CIITA: variants seen among roughly 807,000 people sequenced by gnomAD.
CIITA encodes class II major histocompatibility complex transactivator, also known as MHC class II transactivator.
Under a neutral mutation model 115.1 loss-of-function variants are expected in CIITA, and 72 were observed. The ratio of observed to expected loss-of-function variants is 0.63; its 90% CI spans 0.52 to 0.76. The LOEUF (loss-of-function observed/expected upper bound fraction) is 0.76. Among genes scored for constraint, CIITA ranks in the 30% least tolerant of loss-of-function variants. The pLI is 0.00. For synonymous variants in CIITA, 763 were observed against 635.6 expected, an observed-to-expected ratio of 1.20 and a Z score of -3.02; for missense variants, 1,617 against 1,463.8, an observed-to-expected ratio of 1.10 and a Z score of -1.71.
chr16:10,925,886 C>T lies in CIITA; in HGVS notation c.*2031C>T, dbSNP rs1183621145. ...GGAATGTTTGCCTCTGCCTCTGACA[C>T]ACAGCTCTGTCCTGGGAGTGAGCTG... is the stretch of plus-strand genomic sequence containing the variant. On this transcript the variant is annotated 3_prime_UTR_variant, in exon 20 of 20. Transcript: ENST00000324288. The T allele has an allele frequency of 1.3e-5, 2 of 152,262 alleles. No homozygotes were observed. The highest frequency in any genetic ancestry group is 1.3e-4 in the Admixed American group (2 of 15,286). 9.4% of individuals were successfully genotyped at this position (152,262 alleles called of 1,614,324 possible). A position where few individuals can be genotyped will look rare whatever the true frequency, so the allele number is the denominator to read the frequency against.
rs760417209 is a variant in CIITA at position 10,941,751 on chromosome 16, C to A, written n.877C>A. The A allele has an allele frequency of 6.8e-6, 11 of 1,612,082 alleles. No individual in the cohort carries two copies. Among genetic ancestry groups the A allele is most frequent in the Admixed American group, 1.7e-5 (1 of 59,856 alleles). ...AGTACGCATCAAAGACGTCGAGCTC[C>A]GAGTCAGCATCGTAAAGGCCCGAGC... On this transcript the variant is annotated non_coding_transcript_exon_variant, in exon 2 of 2. Transcript: ENST00000573379. The surrounding 1 kb of genome is among the most constrained non-coding windows in gnomAD (Gnocchi z 6.4).
In CIITA at chr16:10,879,799, T is replaced by C. The variant is rs1321813794; in HGVS notation, c.52+2417T>C. On this transcript the variant is annotated intron_variant, in intron 1 of 19. Coordinates refer to ENST00000324288, the MANE Select transcript of CIITA (RefSeq NM_000246.4). The surrounding 1 kb of genome is among the most constrained non-coding windows in gnomAD (Gnocchi z 4.3). ...AGTGGGAGATTGGATCTCCCTGGGG[T>C]CCAGGAAAGCCGGAATCGGAGCCAC... is the stretch of plus-strand genomic sequence containing the variant. Among the ~76,000 whole-genome samples the C allele has an allele frequency of 6.6e-6, 1 of 151,884 alleles. No homozygotes were observed. Among genetic ancestry groups the C allele is most frequent in the Non-Finnish European group, 1.5e-5 (1 of 67,962 alleles).
intron 8 of CIITA, 88 bp downstream of exon 8, chr16:10,902,889 C>A: frequency 6.7e-7 from 1 of 1,491,268 alleles, no homozygotes; most frequent in Non-Finnish European, 9.3e-7. Context: ...ATGCACTTGG[C>A]AGTGGTGCCC....
chr16:10,910,084 C>G, intron 12 of CIITA, 104 bp from the exon 13 acceptor site: 1 of 910,470 alleles, frequency 1.1e-6, no homozygotes, highest in Non-Finnish European at 1.8e-6. Flanking sequence ...GGAAAGCAAT[C>G]CCCCTGGGGA....
chr16:10,918,550 T>C (rs772672849), intron 16 of CIITA, 24 bp downstream of exon 16: 39 of 1,607,214 alleles, frequency 2.4e-5, no homozygotes, highest in Non-Finnish European at 2.6e-5. Flanking sequence ...CGGATACCGG[T>C]CAGGTGCTGA....
chr16:10,908,036 G>A lies in CIITA; in HGVS notation c.2544G>A (p.Leu848=), dbSNP rs1567423502. The A allele has an allele frequency of 6.2e-7, 1 of 1,613,470 alleles. No individual in the cohort carries two copies. Among genetic ancestry groups the A allele is most frequent in the Non-Finnish European group, 8.5e-7 (1 of 1,179,524 alleles). The change falls in exon 11 of 20, where the codon CTG becomes CTA. Residue 848 remains leucine, a synonymous_variant. Coordinates refer to ENST00000324288, the MANE Select transcript of CIITA (RefSeq NM_000246.4). ...TCACGCCTCCTGATGCACATGTACT[G>A]GGCAAGGCCTTGGAGGCGGCGGGCC... ...TRLTPPDAHV[L]GKALEAAGQD... is the part of the protein sequence containing the mutation.
rs527350573 is a variant in CIITA at position 10,922,333 on chromosome 16, G to A, written c.3234-74G>A. The A allele has an allele frequency of 3.8e-5, 61 of 1,607,216 alleles. No homozygotes were observed. The African/African-American group carries it at 7.6e-4, about 20-fold the overall frequency. ...CTCTCCCTGGTGTCCTGGAAGAGCT[G>A]GATGTGGGGGTGGCCTTGGTCTGGA... On this transcript the variant is annotated intron_variant, in intron 17 of 19. Transcript: ENST00000324288.
chr16:10,914,418 C>G (rs2039808819), intron 13 of CIITA, among the ~76,000 whole-genome samples: 1 of 152,104 alleles, frequency 6.6e-6, no homozygotes, highest in African/African-American at 2.4e-5. Flanking sequence ...TGACCGTGCG[C>G]GGTTACTGTT....
At chr16:10,893,732 C>G (rs189633639) in intron 1 of CIITA, among the ~76,000 whole-genome samples, 1 of 136,962 alleles carries the variant, frequency 7.3e-6, no homozygotes, top group Non-Finnish European at 1.5e-5. Flanking sequence ...TGGCTTGAAC[C>G]TGGGAGGCAG....
intron 10 of CIITA, 67 bp from the exon 11 acceptor site, chr16:10,906,432 T>C: frequency 1.3e-6 from 2 of 1,549,150 alleles, no homozygotes; most frequent in Non-Finnish European, 1.8e-6. Context: ...AGTGCTGGCC[T>C]TGTGGTGGCT....
chr16:10,909,152 T>C lies in CIITA; in HGVS notation c.2781T>C (p.Asp927=). 1.2e-6 allele frequency: 2 copies of C among 1,614,142 alleles called. No individual in the cohort carries two copies. The highest frequency in any genetic ancestry group is 2.2e-5 in the South Asian group (2 of 91,086). Reference sequence around the variant, plus strand: ...CTTTCAAAGCCAAGTCCCTGAAGGATGTGGAAGACCTGGGAAAGCTTGTGC... The same window carrying C: ...CTTTCAAAGCCAAGTCCCTGAAGGACGTGGAAGACCTGGGAAAGCTTGTGC... The part of the protein sequence containing the change: ...IEPFKAKSLK[D]VEDLGKLVQT... Residue 927 remains aspartate (D), a synonymous_variant, in exon 12 of 20, where the codon GAT becomes GAC. Coordinates refer to ENST00000324288, the MANE Select transcript of CIITA (RefSeq NM_000246.4).
In CIITA at chr16:10,901,499, A is replaced by G. The variant is rs986229740; in HGVS notation, c.437-15A>G. 7 of 1,613,914 alleles carry G rather than the reference A, an allele frequency of 4.3e-6. No homozygotes were observed. Among genetic ancestry groups the G allele is most frequent in the Admixed American group, 1.7e-5 (1 of 60,008 alleles). On this transcript the variant is annotated splice_polypyrimidine_tract_variant and intron_variant, in intron 5 of 19. Transcript: ENST00000324288. The surrounding 1 kb of genome is among the most constrained non-coding windows in gnomAD (Gnocchi z 6.8). ...TCCTCTCCCTGGGGCAGCTGATCAC[A>G]TGTTTTCTCTGCAGCCTTCCCAGAG...
chr16:10,892,776 T>C (rs951800967), intron 1 of CIITA, among the ~76,000 whole-genome samples: 1 of 151,990 alleles, frequency 6.6e-6, no homozygotes, highest in African/African-American at 2.4e-5. Context: ...CTACTAAAAA[T>C]ACAAAAATTA....
At chr16:10,916,496 GC>G in intron 15 of CIITA, 37 bp downstream of exon 15, 1 of 1,566,306 alleles carries the variant, frequency 6.4e-7, no homozygotes, top group Non-Finnish European at 8.7e-7. Flanking sequence ...GCTGAATCGG[GC>G]CCCCAAAGTC....
intron 1 of CIITA, among the ~76,000 whole-genome samples, chr16:10,884,317 A>G (rs1216173283): frequency 6.6e-6 from 1 of 152,204 alleles, no homozygotes; most frequent in East Asian, 1.9e-4. Context: ...ACGGTGCTGG[A>G]ATTGGGATGG....
chr16:10,933,711 G>A lies in CIITA; in HGVS notation c.*9856G>A, dbSNP rs577077821. ...GCAGGGAACCTTCTCAAGGCTAGGG[G>A]CCTTCTGAAAGCAGCAGCACTTTTC... is the stretch of plus-strand genomic sequence containing the variant. On this transcript the variant is annotated 3_prime_UTR_variant, in exon 20 of 20. Coordinates refer to ENST00000324288, the MANE Select transcript of CIITA (RefSeq NM_000246.4). The A allele has an allele frequency of 6.6e-6, 1 of 152,446 alleles. No individual in the cohort carries two copies. The highest frequency in any genetic ancestry group is 1.9e-4 in the East Asian group (1 of 5,192). 9.4% of individuals were successfully genotyped at this position (152,446 alleles called of 1,614,324 possible).
In CIITA at chr16:10,906,634, A is replaced by T; in HGVS notation, c.1142A>T (p.Glu381Val). The change falls in exon 11 of 20, where the codon GAA (glutamate) becomes GTA (valine). Residue 381 changes from glutamate (E) to valine (V), a missense_variant. Physicochemically the swap from Glu to Val is moderately radical, Grantham distance 121. Coordinates refer to ENST00000324288, the MANE Select transcript of CIITA (RefSeq NM_000246.4). ...AGCAGCAGCAAGAGCCTGGAGCGGGAACTGGCCACCCCGGACTGGGCAGAA... is the reference window on the plus strand; with the variant it reads ...AGCAGCAGCAAGAGCCTGGAGCGGGTACTGGCCACCCCGGACTGGGCAGAA... ...ERSSSKSLERELATPDWAERQ... is the reference protein window; with the variant it reads ...ERSSSKSLERVLATPDWAERQ... 6 of 1,613,896 alleles carry T rather than the reference A, an allele frequency of 3.7e-6. No homozygotes were observed. Among genetic ancestry groups the T allele is most frequent in the Non-Finnish European group, 5.1e-6 (6 of 1,179,958 alleles).
chr16:10,901,940 CTCTGTCAGGAGAGACA>C lies in CIITA; in HGVS notation c.482-95_482-80del. On this transcript the variant is annotated intron_variant, in intron 6 of 19. Coordinates refer to ENST00000324288, the MANE Select transcript of CIITA (RefSeq NM_000246.4). The surrounding 1 kb of genome is among the most constrained non-coding windows in gnomAD (Gnocchi z 6.8). The stretch of plus-strand genomic sequence containing the variant: ...GGGCTGAGAAGATGACAAGCATTTC[CTCTGTCAGGAGAGACA>C]TCCATGCCACTCCAGGGCCCTCCCC... 6.7e-7 allele frequency: 1 copy of C among 1,503,242 alleles called. No individual in the cohort carries two copies. Among genetic ancestry groups the C allele is most frequent in the Non-Finnish European group, 9.2e-7 (1 of 1,089,088 alleles). 93.1% of individuals were successfully genotyped at this position (1,503,242 alleles called of 1,614,324 possible).
chr16:10,935,852 T>C lies in CIITA; in HGVS notation c.*11997T>C, dbSNP rs2041002129. The C allele has an allele frequency of 1.3e-5, 2 of 152,318 alleles. No homozygotes were observed. The highest frequency in any genetic ancestry group is 3.9e-4 in the East Asian group (2 of 5,194). 9.4% of individuals were successfully genotyped at this position (152,318 alleles called of 1,614,324 possible). A position where few individuals can be genotyped will look rare whatever the true frequency, so the allele number is the denominator to read the frequency against. On this transcript the variant is annotated 3_prime_UTR_variant, in exon 20 of 20. Transcript: ENST00000324288. ...CCTTGTACTCTGCTTAATATGTCAA[T>C]GTCACAAGAGAGAAAGACAGACTGA...
Sources: allele counts gnomAD v4.1 joint callset (sites outside exome capture counted in the v4.1 genomes callset), GRCh38; gene constraint gnomAD v4.1.1; non-coding constraint Gnocchi (gnomAD v3.1); transcripts MANE v1.5; gene names NCBI Gene and HGNC (gene_info 2026-07-23, HGNC 2026-07-21).